Variants in ZMAT4 observed in about 807,000 individuals in gnomAD.
ZMAT4 encodes zinc finger matrin-type 4, also known as zinc finger matrin-type protein 4.
A neutral mutation model predicts 28.7 loss-of-function variants in ZMAT4; 17 were observed. That is an observed-to-expected ratio of 0.59 (90% CI 0.41 to 0.89). ZMAT4 has a LOEUF of 0.89. Among genes scored for constraint, ZMAT4 ranks in the 40% least tolerant of loss-of-function variants. ZMAT4 has a pLI of 0.00. For missense variants in ZMAT4, 240 were observed against 283.8 expected, an observed-to-expected ratio of 0.85 and a Z score of 1.11; for synonymous variants, 117 against 109.2, an observed-to-expected ratio of 1.07 and a Z score of -0.44.
chr8:40,764,763 A>G (rs1813079700), intron 3 of ZMAT4, among the ~76,000 whole-genome samples: 1 of 152,188 alleles, frequency 6.6e-6, no homozygotes, highest in South Asian at 2.1e-4. Flanking sequence ...AGTGCTTTGA[A>G]AACAAAATGC....
intron 2 of ZMAT4, among the ~76,000 whole-genome samples, chr8:40,815,536 T>C (rs1429832196): frequency 6.6e-6 from 1 of 152,180 alleles, no homozygotes; most frequent in Non-Finnish European, 1.5e-5. Flanking sequence ...CCACAGGCAG[T>C]GCCCTCAACC....
chr8:40,754,782 C>T (rs117255362), intron 3 of ZMAT4, among the ~76,000 whole-genome samples: 4 of 152,062 alleles, frequency 2.6e-5, no homozygotes, highest in South Asian at 4.1e-4. Context: ...GAGGCCAAGA[C>T]GGGAAGAATC....
chr8:40,826,348 C>T (rs1816040971), intron 1 of ZMAT4, among the ~76,000 whole-genome samples: 1 of 151,958 alleles, frequency 6.6e-6, no homozygotes, highest in African/African-American at 2.4e-5. Context: ...TAGCATTATA[C>T]AAAATTTGTT....
chr8:40,882,716 C>T (rs185213142), intron 1 of ZMAT4, among the ~76,000 whole-genome samples: 6 of 152,334 alleles, frequency 3.9e-5, no homozygotes, highest in African/African-American at 9.6e-5. Flanking sequence ...CTAATCCCCC[C>T]CCATGAGACA....
At chr8:40,788,372 C>T (rs1302419554) in intron 2 of ZMAT4, among the ~76,000 whole-genome samples, 1 of 152,082 alleles carries the variant, frequency 6.6e-6, no homozygotes, top group Non-Finnish European at 1.5e-5. Context: ...ATCACGAGGT[C>T]AGGAGATCGA....
chr8:40,825,596 C>T lies in ZMAT4; in HGVS notation c.81G>A (p.Ser27=), dbSNP rs186839983. ...TTACCTCGTAGTGGGCCACACGCTGCGATTCGGAGATCAGCTGTGCACTGC... is the reference window on the plus strand; with the variant it reads ...TTACCTCGTAGTGGGCCACACGCTGTGATTCGGAGATCAGCTGTGCACTGC... ...KVCSAQLISE[S]QRVAHYESRK... Residue 27 remains serine, a synonymous_variant, in exon 2 of 7, where the codon TCG becomes TCA. Transcript: ENST00000297737. 15 of 1,553,214 alleles carry T rather than the reference C, an allele frequency of 9.7e-6. No individual in the cohort carries two copies. The highest frequency in any genetic ancestry group is 2.7e-5 in the African/African-American group (2 of 73,452).
At chr8:40,838,610 C>T (rs1353911734) in intron 1 of ZMAT4, among the ~76,000 whole-genome samples, 1 of 152,170 alleles carries the variant, frequency 6.6e-6, no homozygotes. Context: ...CTGCTTAAGC[C>T]TGGCAGTGAA....
At position 40,627,295 on chromosome 8, in the gene ZMAT4, CATTTTAG is replaced by C. The variant is rs142158232; in HGVS notation, c.578-46041_578-46035del. 6.4e-3 allele frequency among the ~76,000 whole-genome samples: 967 copies of C among 152,264 alleles called. 19 individuals are homozygous for C. The highest frequency in any genetic ancestry group is 0.036 in the East Asian group (187 of 5,180). On this transcript the variant is annotated intron_variant, in intron 5 of 6. Coordinates refer to ENST00000297737, the MANE Select transcript of ZMAT4 (RefSeq NM_024645.3). ...GTATCATCACATTATATAACTGGAA[CATTTTAG>C]AACCAAATATATCTGTAGCGTAGCC...
intron 2 of ZMAT4, among the ~76,000 whole-genome samples, chr8:40,788,655 A>C (rs139688577): frequency 5.9e-5 from 9 of 151,500 alleles, no homozygotes; most frequent in African/African-American, 1.9e-4. Context: ...AAACATTAAC[A>C]AAAAAAACAC....
At chr8:40,742,469 T>A (rs1436611145) in intron 3 of ZMAT4, among the ~76,000 whole-genome samples, 1 of 151,768 alleles carries the variant, frequency 6.6e-6, no homozygotes, top group Non-Finnish European at 1.5e-5. Context: ...CTGTTAACAG[T>A]GATGTGTCTT....
At chr8:40,891,962 C>A (rs551190899) in intron 1 of ZMAT4, among the ~76,000 whole-genome samples, 1 of 152,210 alleles carries the variant, frequency 6.6e-6, no homozygotes, top group Non-Finnish European at 1.5e-5. Flanking sequence ...AAGCAAAACC[C>A]TCCACAGCTG....
At chr8:40,715,582 G>T (rs1004114087) in intron 3 of ZMAT4, among the ~76,000 whole-genome samples, 10 of 152,070 alleles carry the variant, frequency 6.6e-5, no homozygotes, top group Admixed American at 3.3e-4. Flanking sequence ...TTTTAAAAAA[G>T]AAATCAAATT....
intron 5 of ZMAT4, among the ~76,000 whole-genome samples, chr8:40,655,997 T>G (rs766717245): frequency 6.6e-6 from 1 of 152,144 alleles, no homozygotes; most frequent in Non-Finnish European, 1.5e-5. Flanking sequence ...TCAAATGCTA[T>G]GGTTAAATTG....
chr8:40,602,031 T>C (rs1207435676), intron 5 of ZMAT4, among the ~76,000 whole-genome samples: 1 of 152,176 alleles, frequency 6.6e-6, no homozygotes, highest in Non-Finnish European at 1.5e-5. Flanking sequence ...CCCTTTCCCT[T>C]GAGTCTCCAA....
chr8:40,573,980 A>G (rs1286823916), intron 6 of ZMAT4, among the ~76,000 whole-genome samples: 1 of 152,194 alleles, frequency 6.6e-6, no homozygotes, highest in African/African-American at 2.4e-5. Context: ...TTTAGATATT[A>G]TTAGTAAAAA....
intron 3 of ZMAT4, among the ~76,000 whole-genome samples, chr8:40,698,036 C>T (rs1809973905): frequency 6.6e-6 from 1 of 152,068 alleles, no homozygotes; most frequent in Non-Finnish European, 1.5e-5. Context: ...TGCTTTTGAC[C>T]AATTTTAGCC....
intron 5 of ZMAT4, among the ~76,000 whole-genome samples, chr8:40,667,555 C>T (rs1808472898): frequency 6.6e-6 from 1 of 152,156 alleles, no homozygotes; most frequent in Admixed American, 6.5e-5. Flanking sequence ...TCCACGTAAG[C>T]AGTTTGTCTC....
chr8:40,653,992 A>G (rs1206430665), intron 5 of ZMAT4, among the ~76,000 whole-genome samples: 2 of 152,180 alleles, frequency 1.3e-5, no homozygotes, highest in African/African-American at 4.8e-5. Context: ...GCAGGCTGAG[A>G]TCTGTTAGCA....
At chr8:40,878,129 T>A (rs1318981171) in intron 1 of ZMAT4, among the ~76,000 whole-genome samples, 1 of 152,166 alleles carries the variant, frequency 6.6e-6, no homozygotes, top group African/African-American at 2.4e-5. Context: ...AGAAAACATA[T>A]AGCGGCTCCT....
Sources: allele counts gnomAD v4.1 joint callset (sites outside exome capture counted in the v4.1 genomes callset), GRCh38; gene constraint gnomAD v4.1.1; transcripts MANE v1.5; gene names NCBI Gene and HGNC (gene_info 2026-07-23, HGNC 2026-07-21).